Variants in FRMD4A observed in about 807,000 individuals in gnomAD.
FRMD4A encodes FERM domain-containing protein 4A.
In FRMD4A, 29 loss-of-function variants were observed where a neutral mutation model predicts 129.1. That is an observed-to-expected ratio of 0.22 (90% CI 0.17 to 0.31). The LOEUF (loss-of-function observed/expected upper bound fraction) is 0.31, where lower values mean the gene tolerates loss of function less well. Ranked by LOEUF, FRMD4A falls within the 10% of genes least tolerant of loss-of-function variation. The probability of loss-of-function intolerance (pLI) is 1.00; values close to 1 mark genes in which losing one functional copy is unlikely to be tolerated. For missense variants in FRMD4A, 1,272 were observed against 1,375.8 expected, an observed-to-expected ratio of 0.92 and a Z score of 1.19; for synonymous variants, 634 against 571.6, an observed-to-expected ratio of 1.11 and a Z score of -1.56.
At chr10:13,987,804 C>T (rs533072961) in intron 2 of FRMD4A, among the ~76,000 whole-genome samples, 5 of 152,240 alleles carry the variant, frequency 3.3e-5, no homozygotes, top group South Asian at 2.1e-4. Flanking sequence ...AAGAGGACAT[C>T]GTACAATTTA....
chr10:13,952,879 A>G (rs2095382834), intron 2 of FRMD4A, among the ~76,000 whole-genome samples: 1 of 151,448 alleles, frequency 6.6e-6, no homozygotes. Context: ...TATTTTTAGT[A>G]GAGAAGGGGT....
chr10:13,695,774 T>C (rs1270708294), intron 14 of FRMD4A, among the ~76,000 whole-genome samples: 1 of 152,114 alleles, frequency 6.6e-6, no homozygotes, highest in Non-Finnish European at 1.5e-5. Flanking sequence ...GGGGCGGTGG[T>C]GAAGGCCATG....
intron 2 of FRMD4A, among the ~76,000 whole-genome samples, chr10:14,284,476 G>A (rs1268889299): frequency 1.3e-5 from 2 of 152,056 alleles, no homozygotes; most frequent in Non-Finnish European, 2.9e-5. Context: ...GTGAAACCCC[G>A]TATCTACTAA....
intron 8 of FRMD4A, among the ~76,000 whole-genome samples, chr10:13,761,002 T>A (rs1302441664): frequency 3.3e-5 from 5 of 152,056 alleles, no homozygotes; most frequent in African/African-American, 1.2e-4. Flanking sequence ...TCACAAGAGA[T>A]TTCAGGGCGA....
chr10:13,746,441 C>T (rs1485697066), intron 9 of FRMD4A, among the ~76,000 whole-genome samples: 2 of 152,028 alleles, frequency 1.3e-5, no homozygotes, highest in Non-Finnish European at 2.9e-5. Context: ...TCTCGATCTC[C>T]TGACCTTGTG....
At chr10:14,325,907 A>G (rs569757766) in intron 2 of FRMD4A, among the ~76,000 whole-genome samples, 175 of 152,352 alleles carry the variant, frequency 1.1e-3, no homozygotes, top group African/African-American at 4.0e-3. Context: ...AAGCCCAGAA[A>G]TCTGAAATCA....
intron 2 of FRMD4A, among the ~76,000 whole-genome samples, chr10:13,899,092 C>T (rs1460760250): frequency 2.0e-5 from 3 of 152,094 alleles, no homozygotes; most frequent in Non-Finnish European, 2.9e-5. Context: ...GTGGGAGGAT[C>T]ACTTGAGCTC....
intron 3 of FRMD4A, among the ~76,000 whole-genome samples, chr10:13,811,746 G>A (rs914404610): frequency 2.0e-5 from 3 of 152,054 alleles, no homozygotes; most frequent in Non-Finnish European, 4.4e-5. Context: ...TGTCTGATGC[G>A]GAAACAGGGC....
At chr10:13,833,550 G>T (rs760031258) in intron 3 of FRMD4A, among the ~76,000 whole-genome samples, 2 of 152,120 alleles carry the variant, frequency 1.3e-5, no homozygotes, top group African/African-American at 4.8e-5. Flanking sequence ...TCTGCCCTGT[G>T]CCCGGTGGTT....
chr10:14,098,029 TA>T (rs1837081861), intron 2 of FRMD4A, among the ~76,000 whole-genome samples: 2 of 87,544 alleles, frequency 2.3e-5, no homozygotes, highest in Admixed American at 2.1e-4. Flanking sequence ...ATATAAATTA[TA>T]GATTATATAT....
intron 2 of FRMD4A, among the ~76,000 whole-genome samples, chr10:14,181,339 G>C (rs1351354932): frequency 6.6e-6 from 1 of 151,998 alleles, no homozygotes; most frequent in South Asian, 2.1e-4. Context: ...TGTCAAGAGG[G>C]AGAAGAAAAC....
chr10:13,846,881 C>G (rs1470564367), intron 3 of FRMD4A, among the ~76,000 whole-genome samples: 5 of 152,078 alleles, frequency 3.3e-5, no homozygotes, highest in Non-Finnish European at 7.4e-5. Context: ...ACGGGGATGG[C>G]CAGGAACATG....
At chr10:13,880,707 A>G (rs181017124) in intron 2 of FRMD4A, among the ~76,000 whole-genome samples, 40 of 151,680 alleles carry the variant, frequency 2.6e-4, no homozygotes, top group Non-Finnish European at 8.8e-5. Context: ...TGCTTGGAAT[A>G]CTCACCACGT....
intron 2 of FRMD4A, among the ~76,000 whole-genome samples, chr10:13,998,616 T>A (rs1476785900): frequency 6.6e-6 from 1 of 152,222 alleles, no homozygotes; most frequent in African/African-American, 2.4e-5. Context: ...CCCATCTTGG[T>A]AAGCGTCAGC....
intron 2 of FRMD4A, among the ~76,000 whole-genome samples, chr10:14,091,528 G>A (rs1836662138): frequency 6.6e-6 from 1 of 152,124 alleles, no homozygotes; most frequent in African/African-American, 2.4e-5. Context: ...CCGCCTCCCG[G>A]GTTTAAGCGA....
intron 6 of FRMD4A, among the ~76,000 whole-genome samples, chr10:13,765,095 G>A (rs1224422519): frequency 6.8e-6 from 1 of 146,278 alleles, no homozygotes; most frequent in Admixed American, 7.1e-5. Flanking sequence ...TCTGATTCAA[G>A]GATTGATTTT....
chr10:13,693,984 G>A lies in FRMD4A; in HGVS notation c.1031C>T (p.Thr344Met), dbSNP rs775480802. The change falls in exon 15 of 25, where the codon ACG becomes ATG. Residue 344 changes from threonine to methionine, a missense_variant. Physicochemically the swap from Thr to Met is moderately conservative, Grantham distance 81. This residue lies in a region of FRMD4A where 300 missense variants were observed against 483.6 expected (regional missense o/e 0.62). Coordinates refer to ENST00000357447, the MANE Select transcript of FRMD4A (RefSeq NM_018027.5). The stretch of plus-strand genomic sequence containing the variant: ...CAGCTTCGAGGTCTTCAGCGTCCCC[G>A]TCTCGGTCAGGTCGATGGCGATCTC... Reference protein sequence around the residue: ...LSEIAIDLTETGTLKTSKLAN... With the variant: ...LSEIAIDLTEMGTLKTSKLAN... 12 of 1,555,476 alleles carry A rather than the reference G, an allele frequency of 7.7e-6. No individual in the cohort carries two copies. Among genetic ancestry groups the A allele is most frequent in the Non-Finnish European group, 9.5e-6 (11 of 1,156,372 alleles).
In FRMD4A at chr10:14,091,114, G is replaced by C. The variant is rs181817424; in HGVS notation, c.46-232202C>G. 2.0e-5 allele frequency among the ~76,000 whole-genome samples: 3 copies of C among 152,172 alleles called. No individual in the cohort carries two copies. The South Asian group carries it at 6.2e-4, about 32-fold the overall frequency. The stretch of plus-strand genomic sequence containing the variant: ...GAACAGGATTTCAAGAAAAGAGATG[G>C]AAGAATGTTCAGATTCCTAAAAATC... On this transcript the variant is annotated intron_variant, in intron 2 of 24. Transcript: ENST00000357447.
chr10:14,095,095 A>T (rs1180638147), intron 2 of FRMD4A, among the ~76,000 whole-genome samples: 2 of 152,144 alleles, frequency 1.3e-5, no homozygotes, highest in Admixed American at 1.3e-4. Context: ...ATGTGAATTG[A>T]CTCTGAAGGG....
Sources: gnomAD v4.1 joint callset for allele counts (sites outside exome capture counted in the v4.1 genomes callset) on GRCh38, gnomAD v4.1.1 for gene constraint, gnomAD v4.1.1 regional missense constraint, MANE v1.5 for transcripts, NCBI Gene and HGNC (gene_info 2026-07-23, HGNC 2026-07-21) for gene names.